OVOL2: variants seen among roughly 807,000 people sequenced by gnomAD.
The protein encoded by OVOL2 is ovo like zinc finger 2.
In OVOL2, 13 loss-of-function variants were observed where a neutral mutation model predicts 18.1. That is an observed-to-expected ratio of 0.72 (90% CI 0.47 to 1.14). The LOEUF (loss-of-function observed/expected upper bound fraction) is 1.14, where lower values mean the gene tolerates loss of function less well. OVOL2 is among the 50% of genes most tolerant of loss of function. The probability of loss-of-function intolerance (pLI) is 0.00; values close to 1 mark genes in which losing one functional copy is unlikely to be tolerated. For missense variants in OVOL2, 335 were observed against 383.0 expected, an observed-to-expected ratio of 0.87 and a Z score of 1.05; for synonymous variants, 166 against 162.7, an observed-to-expected ratio of 1.02 and a Z score of -0.16.
chr20:18,053,388 C>T (rs2036786575), intron 2 of OVOL2, among the ~76,000 whole-genome samples: 1 of 152,132 alleles, frequency 6.6e-6, no homozygotes, highest in Non-Finnish European at 1.5e-5. Context: ...GATAATGATC[C>T]ATGAACACAG....
At chr20:18,046,571 C>A (rs147663492) in intron 2 of OVOL2, among the ~76,000 whole-genome samples, 1,609 of 152,314 alleles carry the variant, frequency 0.011, 11 homozygotes, top group Non-Finnish European at 0.016. Context: ...TTTGGAGATT[C>A]TTGTGAAGCA....
chr20:18,050,108 G>A lies in OVOL2; in HGVS notation c.321+6549C>T, dbSNP rs373514271. Among the ~76,000 whole-genome samples, 117 of 152,238 alleles carry A rather than the reference G, an allele frequency of 7.7e-4. 1 individual carries two copies. In the South Asian group the frequency reaches 0.018, roughly 23 times the overall value. Reference sequence around the variant, plus strand: ...ACATGCTTTAAAGGTTCCTGTAGTCGATCCTATGGAAGGACTCAGTATCTA... The same window carrying A: ...ACATGCTTTAAAGGTTCCTGTAGTCAATCCTATGGAAGGACTCAGTATCTA... On this transcript the variant is annotated intron_variant, in intron 2 of 3. Coordinates refer to ENST00000278780, the MANE Select transcript of OVOL2 (RefSeq NM_021220.4).
Position 18,056,631 on chromosome 20 carries a change from C to T in OVOL2, c.321+26G>A. On this transcript the variant is annotated intron_variant, in intron 2 of 3. Transcript: ENST00000278780. This position sits in a 1 kb window ranked among gnomAD's most constrained non-coding sequence, Gnocchi z 4.2. ...CGACGCCAGGGCGTGGTGCAGGTGG[C>T]GGCGGGGGCAGAGTCGACACAGTAC... 2 of 1,374,452 alleles carry T rather than the reference C, an allele frequency of 1.5e-6. No individual in the cohort carries two copies. The highest frequency in any genetic ancestry group is 9.4e-7 in the Non-Finnish European group (1 of 1,062,668). The allele number at this position is 1,374,452 out of a possible 1,614,324, so 85.1% of individuals were successfully genotyped here.
At chr20:18,038,587 G>C (rs4814684) in intron 3 of OVOL2, among the ~76,000 whole-genome samples, 39,531 of 152,108 alleles carry the variant, frequency 0.26, 5,991 homozygotes, top group African/African-American at 0.41. Flanking sequence ...GGGGAGGCAA[G>C]GCCATCAGCT....
At position 18,036,509 on chromosome 20, in the gene OVOL2, C is replaced by G. The variant is rs149846142; in HGVS notation, c.511+5025G>C. Among the ~76,000 whole-genome samples the G allele has an allele frequency of 4.9e-3, 745 of 152,210 alleles. 12 individuals are homozygous for G. Among genetic ancestry groups the G allele is most frequent in the African/African-American group, 0.017 (710 of 41,520 alleles). The stretch of plus-strand genomic sequence containing the variant: ...CTGCCTCCTAAGCCCTAGCCTTTCC[C>G]CTAAGGTGATAACTGCGAAACCCTT... On this transcript the variant is annotated intron_variant, in intron 3 of 3. Coordinates refer to ENST00000278780, the MANE Select transcript of OVOL2 (RefSeq NM_021220.4).
At chr20:18,026,083 G>A (rs545279060) in intron 3 of OVOL2, among the ~76,000 whole-genome samples, 2 of 152,354 alleles carry the variant, frequency 1.3e-5, no homozygotes, top group Non-Finnish European at 2.9e-5. Flanking sequence ...GCTAACACTG[G>A]ACCTGCCTTC....
In OVOL2 at chr20:18,041,620, T is replaced by C. The variant is rs537528908; in HGVS notation, c.425A>G (p.Asn142Ser). 3 of 1,614,166 alleles carry C rather than the reference T, an allele frequency of 1.9e-6. No individual in the cohort carries two copies. The highest frequency in any genetic ancestry group is 2.5e-6 in the Non-Finnish European group (3 of 1,180,024). ...GGTGCACAGGTGTCTTTTCACCTGG[T>C]TGTGGCACTTGAGGTGACGGTTCAG... ...RMLNRHLKCH[N>S]QVKRHLCTFC... The change falls in exon 3 of 4, where the codon AAC becomes AGC. Residue 142 changes from asparagine to serine, a missense_variant. Asn to Ser is a conservative substitution (Grantham distance 46). Transcript: ENST00000278780.
At chr20:18,029,571 T>C (rs117339254) in intron 3 of OVOL2, among the ~76,000 whole-genome samples, 110 of 152,314 alleles carry the variant, frequency 7.2e-4, no homozygotes, top group Non-Finnish European at 1.3e-3. Flanking sequence ...TGCGTCCCTG[T>C]CTGTACTACT....
Position 18,029,304 on chromosome 20 carries a change from C to T in OVOL2, c.512-4352G>A, listed in dbSNP as rs2036546514. On this transcript the variant is annotated intron_variant, in intron 3 of 3. Transcript: ENST00000278780. The stretch of plus-strand genomic sequence containing the variant: ...TCGGCCTCCCAAAGTGCTGGGATTA[C>T]AGGCATGAGCCACCACGCCCGGCCT... 2.0e-5 allele frequency among the ~76,000 whole-genome samples: 3 copies of T among 152,154 alleles called. No homozygotes were observed. The South Asian group carries it at 6.2e-4, about 32-fold the overall frequency.
chr20:18,030,810 G>A (rs2036561861), intron 3 of OVOL2, among the ~76,000 whole-genome samples: 1 of 152,202 alleles, frequency 6.6e-6, no homozygotes, highest in Admixed American at 6.5e-5. Context: ...CTGTGCCCCA[G>A]CACTTCTGCT....
At chr20:18,058,307 G>C (rs552399201), upstream of OVOL2, among the ~76,000 whole-genome samples, 1 of 151,868 alleles carries the variant, frequency 6.6e-6, no homozygotes, top group African/African-American at 2.4e-5. Context: ...AAATCTGGGC[G>C]GTCAGAAGGG....
chr20:18,041,787 A>G lies in OVOL2; in HGVS notation c.322-64T>C. 3.4e-6 allele frequency: 5 copies of G among 1,484,930 alleles called. No individual in the cohort carries two copies. In the South Asian group the frequency reaches 6.1e-5, roughly 18 times the overall value. The allele number at this position is 1,484,930 out of a possible 1,614,324, so 92.0% of individuals were successfully genotyped here. On this transcript the variant is annotated intron_variant, in intron 2 of 3. Transcript: ENST00000278780. Reference sequence around the variant, plus strand: ...CAGGCACATCCAGTAGGCTCACTCAAGAGACCCACCTCCCTGTGTCTTGAG... The same window carrying G: ...CAGGCACATCCAGTAGGCTCACTCAGGAGACCCACCTCCCTGTGTCTTGAG...
intron 3 of OVOL2, among the ~76,000 whole-genome samples, chr20:18,038,128 A>T (rs1302895518): frequency 1.3e-5 from 2 of 152,180 alleles, no homozygotes; most frequent in Admixed American, 1.3e-4. Flanking sequence ...TGTCTGGCAT[A>T]TCGGCTGTTT....
intron 3 of OVOL2, 24 bp downstream of exon 3, chr20:18,041,510 A>G (rs768494967): frequency 2.5e-6 from 4 of 1,595,434 alleles, no homozygotes; most frequent in Non-Finnish European, 2.6e-6. Context: ...AAAACAGAGA[A>G]CAAAGCACGC....
rs960976832 is a variant in OVOL2, at chr20:18,057,833, C to T, written c.-199G>A. 1 of 1,364,240 alleles carries T rather than the reference C, an allele frequency of 7.3e-7. No homozygotes were observed. The highest frequency in any genetic ancestry group is 9.4e-7 in the Non-Finnish European group (1 of 1,065,940). 84.5% of individuals were successfully genotyped at this position (1,364,240 alleles called of 1,614,324 possible). ...GGCGACTCCCAGCCTCCCGGCTCGG[C>T]GACACCTATGCCTTAAATCGCGAGT... is the stretch of plus-strand genomic sequence containing the variant. On this transcript the variant is annotated 5_prime_UTR_variant, in exon 1 of 4. Transcript: ENST00000278780. The surrounding 1 kb of genome is among the most constrained non-coding windows in gnomAD (Gnocchi z 6.3).
chr20:18,051,993 G>A (rs2036775759), intron 2 of OVOL2, among the ~76,000 whole-genome samples: 1 of 152,128 alleles, frequency 6.6e-6, no homozygotes, highest in Admixed American at 6.5e-5. Flanking sequence ...GCCCGCCTCG[G>A]CCTCCCAAAG....
At position 18,057,256 on chromosome 20, in the gene OVOL2, CTT is replaced by C. The variant is rs2036838206; in HGVS notation, c.100+277_100+278del. On this transcript the variant is annotated intron_variant, in intron 1 of 3. Coordinates refer to ENST00000278780, the MANE Select transcript of OVOL2 (RefSeq NM_021220.4). This position sits in a 1 kb window ranked among gnomAD's most constrained non-coding sequence, Gnocchi z 6.3. The stretch of plus-strand genomic sequence containing the variant: ...TGAGATTGGGGGTAGCCTCTGCTGG[CTT>C]TCAATCCCTTTCCTGGGCCACCTTG... Among the ~76,000 whole-genome samples, 1 of 152,136 alleles carries C rather than the reference CTT, an allele frequency of 6.6e-6. No individual in the cohort carries two copies. The highest frequency in any genetic ancestry group is 1.5e-5 in the Non-Finnish European group (1 of 68,008).
intron 3 of OVOL2, among the ~76,000 whole-genome samples, chr20:18,034,651 T>TCTCACA (rs773350112): frequency 6.9e-6 from 1 of 145,614 alleles, no homozygotes; most frequent in African/African-American, 2.6e-5. Context: ...TCTCTCTCTC[T>TCTCACA]CACACACACA....
At chr20:18,050,793 A>G (rs1170503444) in intron 2 of OVOL2, 1 of 152,092 alleles carries the variant, frequency 6.6e-6, no homozygotes, top group Non-Finnish European at 1.5e-5. Flanking sequence ...TCCTTCTATG[A>G]CCCAGGCACT....
Sources: gnomAD v4.1 joint callset for allele counts (sites outside exome capture counted in the v4.1 genomes callset) on GRCh38, gnomAD v4.1.1 for gene constraint, Gnocchi (gnomAD v3.1) non-coding constraint, MANE v1.5 for transcripts, NCBI Gene and HGNC (gene_info 2026-07-23, HGNC 2026-07-21) for gene names.